Variants in UNC5C observed in about 807,000 individuals in gnomAD.
UNC5C encodes unc-5 netrin receptor C, also known as netrin receptor UNC5C.
Under a neutral mutation model 99.8 loss-of-function variants are expected in UNC5C, and 47 were observed. That is an observed-to-expected ratio of 0.47 (90% CI 0.37 to 0.60). The LOEUF (loss-of-function observed/expected upper bound fraction) is 0.60, where lower values mean the gene tolerates loss of function less well. Ranked by LOEUF, UNC5C falls within the 20% of genes least tolerant of loss-of-function variation. The probability of loss-of-function intolerance (pLI) is 0.00; values close to 1 mark genes in which losing one functional copy is unlikely to be tolerated. For missense variants in UNC5C, 1,062 were observed against 1,165.9 expected, an observed-to-expected ratio of 0.91 and a Z score of 1.30; for synonymous variants, 487 against 452.2, an observed-to-expected ratio of 1.08 and a Z score of -0.98.
At chr4:95,185,935 T>C (rs2149352016) in intron 12 of UNC5C, among the ~76,000 whole-genome samples, 1 of 151,614 alleles carries the variant, frequency 6.6e-6, no homozygotes, top group Admixed American at 6.6e-5. Context: ...GAATTGTGGC[T>C]GATGAAAAAA....
intron 1 of UNC5C, among the ~76,000 whole-genome samples, chr4:95,456,249 A>G (rs1394842033): frequency 1.3e-5 from 2 of 150,070 alleles, no homozygotes; most frequent in African/African-American, 5.1e-5. Context: ...GTGTTCAAGT[A>G]AAATAAAATT....
At chr4:95,430,576 A>C (rs1044831989) in intron 1 of UNC5C, among the ~76,000 whole-genome samples, 5 of 152,166 alleles carry the variant, frequency 3.3e-5, no homozygotes, top group African/African-American at 1.2e-4. Context: ...GTCTCACCAC[A>C]GTTCTAGTGT....
At chr4:95,518,343 A>C (rs1437604541) in intron 1 of UNC5C, among the ~76,000 whole-genome samples, 1 of 152,196 alleles carries the variant, frequency 6.6e-6, no homozygotes, top group Non-Finnish European at 1.5e-5. Flanking sequence ...TTATCTGTTA[A>C]TTTTGTAACC....
intron 1 of UNC5C, among the ~76,000 whole-genome samples, chr4:95,447,546 G>A (rs1747141294): frequency 6.6e-6 from 1 of 152,098 alleles, no homozygotes; most frequent in African/African-American, 2.4e-5. Flanking sequence ...TGTCACCCAG[G>A]CTGGAGTGCA....
rs3796465 is a variant in UNC5C, at chr4:95,180,686, G to A, written c.2451+2211C>T. On this transcript the variant is annotated intron_variant, in intron 14 of 15. Coordinates refer to ENST00000453304, the MANE Select transcript of UNC5C (RefSeq NM_003728.4). Reference sequence around the variant, plus strand: ...CCTCTGTCTGACAGGACAGGCCAAGGGCTGTGTAGCTTTATAAATGACGAC... The same window carrying A: ...CCTCTGTCTGACAGGACAGGCCAAGAGCTGTGTAGCTTTATAAATGACGAC... Among the ~76,000 whole-genome samples the A allele has an allele frequency of 2.5e-4, 38 of 152,268 alleles. 2 individuals are homozygous for A. In the East Asian group the frequency reaches 7.4e-3, roughly 29 times the overall value.
chr4:95,297,681 A>G (rs1051475009), intron 3 of UNC5C, among the ~76,000 whole-genome samples: 3 of 152,236 alleles, frequency 2.0e-5, no homozygotes, highest in Non-Finnish European at 4.4e-5. Context: ...CACTAAAGAC[A>G]TTTGAAAGAA....
intron 3 of UNC5C, among the ~76,000 whole-genome samples, chr4:95,300,900 TG>T (rs1272497808): frequency 2.0e-5 from 3 of 152,130 alleles, no homozygotes; most frequent in Non-Finnish European, 4.4e-5. Flanking sequence ...AGGGTGACTA[TG>T]GTCAATAATA....
At chr4:95,270,919 T>TA (rs1740636412) in intron 4 of UNC5C, among the ~76,000 whole-genome samples, 1 of 152,210 alleles carries the variant, frequency 6.6e-6, no homozygotes, top group African/African-American at 2.4e-5. Context: ...CCTTTCTTCT[T>TA]ATTTACCAGT....
chr4:95,461,536 C>T (rs1747599294), intron 1 of UNC5C, among the ~76,000 whole-genome samples: 1 of 152,122 alleles, frequency 6.6e-6, no homozygotes, highest in African/African-American at 2.4e-5. Flanking sequence ...TTCAATTTTA[C>T]CTTACAAATA....
At chr4:95,425,588 C>T (rs943506806) in intron 1 of UNC5C, among the ~76,000 whole-genome samples, 3 of 152,206 alleles carry the variant, frequency 2.0e-5, no homozygotes, top group Admixed American at 6.5e-5. Flanking sequence ...GGATTACAGG[C>T]GTGAGCCACC....
At chr4:95,236,290 G>C (rs1416896055) in intron 7 of UNC5C, among the ~76,000 whole-genome samples, 1 of 152,086 alleles carries the variant, frequency 6.6e-6, no homozygotes, top group African/African-American at 2.4e-5. Context: ...GTAGGGACAT[G>C]GATGAAGCTG....
intron 1 of UNC5C, among the ~76,000 whole-genome samples, chr4:95,529,415 C>T (rs2149492461): frequency 6.7e-6 from 1 of 150,078 alleles, no homozygotes; most frequent in East Asian, 2.0e-4. Flanking sequence ...CTTCTAGTCA[C>T]ATTTATCCTC....
intron 1 of UNC5C, among the ~76,000 whole-genome samples, chr4:95,357,592 G>A (rs1218911080): frequency 2.0e-5 from 3 of 152,038 alleles, no homozygotes; most frequent in African/African-American, 7.2e-5. Flanking sequence ...AGGTCAGCCT[G>A]ATCAACATAG....
chr4:95,350,938 G>T (rs1490959057), intron 1 of UNC5C, among the ~76,000 whole-genome samples: 1 of 152,076 alleles, frequency 6.6e-6, no homozygotes, highest in Non-Finnish European at 1.5e-5. Context: ...ATCTGGATGT[G>T]TCTGATTCAA....
chr4:95,269,889 T>A (rs1740593946), intron 4 of UNC5C, among the ~76,000 whole-genome samples: 1 of 151,974 alleles, frequency 6.6e-6, no homozygotes, highest in Non-Finnish European at 1.5e-5. Context: ...ATTTTGTATT[T>A]TTTTTAGTAG....
chr4:95,340,162 A>T (rs1743510137), intron 1 of UNC5C, among the ~76,000 whole-genome samples: 1 of 152,098 alleles, frequency 6.6e-6, no homozygotes, highest in Non-Finnish European at 1.5e-5. Context: ...TATGAACATC[A>T]ATCTAGGGAG....
At chr4:95,268,154 G>A (rs1368222908) in intron 4 of UNC5C, among the ~76,000 whole-genome samples, 1 of 151,436 alleles carries the variant, frequency 6.6e-6, no homozygotes, top group Non-Finnish European at 1.5e-5. Flanking sequence ...GGGTTTCACC[G>A]TGGTCTCGAT....
At chr4:95,473,073 A>G (rs1172834035) in intron 1 of UNC5C, among the ~76,000 whole-genome samples, 2 of 152,112 alleles carry the variant, frequency 1.3e-5, no homozygotes, top group Non-Finnish European at 2.9e-5. Context: ...GGGCATTTGG[A>G]ATTTAACTCC....
At chr4:95,431,389 G>A (rs898492995) in intron 1 of UNC5C, among the ~76,000 whole-genome samples, 2 of 152,048 alleles carry the variant, frequency 1.3e-5, no homozygotes, top group Non-Finnish European at 2.9e-5. Flanking sequence ...ATGGGGCTGA[G>A]AGATGTGTAC....
Sources: gnomAD v4.1 joint callset for allele counts (sites outside exome capture counted in the v4.1 genomes callset) on GRCh38, gnomAD v4.1.1 for gene constraint, MANE v1.5 for transcripts, NCBI Gene and HGNC (gene_info 2026-07-23, HGNC 2026-07-21) for gene names.